The following SRPK2 variants were observed in gnomAD, a reference collection of about 807,000 sequenced individuals.
SRPK2 encodes the protein SRSF protein kinase 2, also known as SFRS protein kinase 2.
In SRPK2, 21 loss-of-function variants were observed where a neutral mutation model predicts 90.8. The ratio of observed to expected loss-of-function variants is 0.23; its 90% CI spans 0.16 to 0.33. The LOEUF is 0.33. SRPK2 is among the 10% of genes least tolerant of loss of function. The pLI is 1.00. For missense variants in SRPK2, 620 were observed against 869.0 expected (o/e 0.71, Z 3.60); for synonymous variants, 288 against 311.1 (o/e 0.93, Z 0.78).
At chr7:105,342,252 A>G (rs1488059720) in intron 2 of SRPK2, among the ~76,000 whole-genome samples, 1 of 151,600 alleles carries the variant, frequency 6.6e-6, no homozygotes, top group Admixed American at 6.6e-5. Flanking sequence ...TGAACCCGGG[A>G]AGCAGAGGTT....
chr7:105,201,648 A>AAG (rs376123678), intron 3 of SRPK2, among the ~76,000 whole-genome samples: 4 of 151,442 alleles, frequency 2.6e-5, no homozygotes, highest in African/African-American at 4.9e-5. Flanking sequence ...AAAAAAAAAA[A>AAG]ACTTTTCATT....
intron 2 of SRPK2, among the ~76,000 whole-genome samples, chr7:105,368,248 T>C (rs1483284581): frequency 6.6e-6 from 1 of 152,178 alleles, no homozygotes; most frequent in Non-Finnish European, 1.5e-5. Context: ...TTAGAAAAAC[T>C]GTTTTCCTGT....
At chr7:105,118,528 T>C (rs1799877940) in intron 15 of SRPK2, among the ~76,000 whole-genome samples, 3 of 152,212 alleles carry the variant, frequency 2.0e-5, no homozygotes. Context: ...CAGGCAGCTT[T>C]GGTTGACATA....
chr7:105,348,724 C>T (rs1465892790), intron 2 of SRPK2, among the ~76,000 whole-genome samples: 3 of 151,462 alleles, frequency 2.0e-5, no homozygotes, highest in African/African-American at 4.9e-5. Flanking sequence ...TGCCCAGCTG[C>T]ATTTGAACTA....
chr7:105,206,290 G>T (rs1415194510), intron 2 of SRPK2: 2 of 242,480 alleles, frequency 8.2e-6, no homozygotes, highest in African/African-American at 2.2e-5. Context: ...TTACCTCAAT[G>T]GAGTAGACTG....
In SRPK2 at chr7:105,275,055, T is replaced by G. The variant is rs180995184; in HGVS notation, c.72-71270A>C. ...AGCACCCGCCACCACGCCTGACAAA[T>G]TTTTGTATTTTTAGTAGAGACGGGG... On this transcript the variant is annotated intron_variant, in intron 2 of 15. Coordinates refer to ENST00000393651, the MANE Select transcript of SRPK2 (RefSeq NM_182692.3). Among the ~76,000 whole-genome samples, 288 of 152,048 alleles carry G rather than the reference T, an allele frequency of 1.9e-3. 2 individuals are homozygous for G. The highest frequency in any genetic ancestry group is 6.4e-3 in the African/African-American group (264 of 41,458).
At chr7:105,126,858 A>G in intron 14 of SRPK2, 135 bp downstream of exon 14, 1 of 864,808 alleles carries the variant, frequency 1.2e-6, no homozygotes, top group Admixed American at 2.4e-5. Flanking sequence ...ATCAAACTCA[A>G]AGGAAAAGCA....
At chr7:105,245,066 CA>C in intron 2 of SRPK2, 2 of 649,872 alleles carry the variant, frequency 3.1e-6, no homozygotes, top group South Asian at 1.7e-5. Context: ...CACACACACA[CA>C]CACACACCTC....
intron 3 of SRPK2, among the ~76,000 whole-genome samples, chr7:105,203,325 C>G (rs1424234005): frequency 6.6e-6 from 1 of 152,174 alleles, no homozygotes; most frequent in Non-Finnish European, 1.5e-5. Context: ...TGTCCTCTAA[C>G]TGTCCTGCTG....
At chr7:105,149,394 T>C (rs1805224030) in intron 7 of SRPK2, among the ~76,000 whole-genome samples, 1 of 152,146 alleles carries the variant, frequency 6.6e-6, no homozygotes, top group South Asian at 2.1e-4. Context: ...ATAGATTCTA[T>C]TGCTCACGTG....
intron 2 of SRPK2, among the ~76,000 whole-genome samples, chr7:105,302,349 G>A (rs1396949396): frequency 6.6e-6 from 1 of 152,164 alleles, no homozygotes; most frequent in Non-Finnish European, 1.5e-5. Context: ...AAATGGACAG[G>A]CATGTGGAAT....
At chr7:105,271,555 C>T (rs892944510) in intron 2 of SRPK2, among the ~76,000 whole-genome samples, 1 of 152,230 alleles carries the variant, frequency 6.6e-6, no homozygotes, top group Non-Finnish European at 1.5e-5. Context: ...TAATTCCCCA[C>T]ATTCGTGAAG....
At chr7:105,184,749 C>T (rs2129601003) in intron 3 of SRPK2, among the ~76,000 whole-genome samples, 1 of 152,262 alleles carries the variant, frequency 6.6e-6, no homozygotes, top group South Asian at 2.1e-4. Context: ...GTTAAATGTA[C>T]TTCTCTAGTG....
intron 2 of SRPK2, among the ~76,000 whole-genome samples, chr7:105,267,488 C>T (rs1323783673): frequency 6.6e-6 from 1 of 152,128 alleles, no homozygotes. Context: ...TGTTTCTCAT[C>T]TCAGCAAACA....
chr7:105,357,114 G>A (rs1817866261), intron 2 of SRPK2, among the ~76,000 whole-genome samples: 1 of 150,810 alleles, frequency 6.6e-6, no homozygotes, highest in South Asian at 2.1e-4. Context: ...CGGCCTCACT[G>A]CAAGCTCCGC....
At chr7:105,289,070 C>G (rs1040019671) in intron 2 of SRPK2, among the ~76,000 whole-genome samples, 1 of 126,774 alleles carries the variant, frequency 7.9e-6, no homozygotes, top group African/African-American at 3.0e-5. Context: ...TCTTGGCTAA[C>G]ATGGTGAAAC....
chr7:105,319,003 C>T (rs916750223), intron 2 of SRPK2, among the ~76,000 whole-genome samples: 23 of 152,036 alleles, frequency 1.5e-4, no homozygotes, highest in African/African-American at 5.6e-4. Context: ...AAAACCCAAG[C>T]AATATTTTCA....
chr7:105,291,625 G>A (rs1405091637), intron 2 of SRPK2, among the ~76,000 whole-genome samples: 1 of 152,186 alleles, frequency 6.6e-6, no homozygotes, highest in Middle Eastern at 3.2e-3. Context: ...AGCTACTCGG[G>A]AAGCTGAGGC....
In SRPK2 at chr7:105,254,432, T is replaced by C. The variant is rs189553842; in HGVS notation, c.72-50647A>G. 1.7e-3 allele frequency among the ~76,000 whole-genome samples: 258 copies of C among 152,332 alleles called. 1 individual carries two copies. The highest frequency in any genetic ancestry group is 5.6e-3 in the African/African-American group (234 of 41,576). ...ACTCCTTTATAAAGAGCCTTACAAA[T>C]TGGCTTCACAAGTGATTCCATTTCT... On this transcript the variant is annotated intron_variant, in intron 2 of 15. Transcript: ENST00000393651.
Sources: gnomAD v4.1 joint callset for allele counts (sites outside exome capture counted in the v4.1 genomes callset) on GRCh38, gnomAD v4.1.1 for gene constraint, MANE v1.5 for transcripts, NCBI Gene and HGNC (gene_info 2026-07-23, HGNC 2026-07-21) for gene names.